Variants in TPRG1 observed in about 807,000 individuals in gnomAD.
TPRG1 encodes the protein tumor protein p63-regulated gene 1 protein.
TPRG1 carries 29 observed loss-of-function variants against 29.3 expected under a neutral mutation model. That is an observed-to-expected ratio of 0.99 (90% CI 0.74 to 1.35). The LOEUF is 1.35. TPRG1 is among the 40% of genes most tolerant of loss of function. TPRG1 has a pLI of 0.00. For missense variants in TPRG1, 327 were observed against 335.0 expected, an observed-to-expected ratio of 0.98 and a Z score of 0.19; for synonymous variants, 130 against 116.8, an observed-to-expected ratio of 1.11 and a Z score of -0.73.
intron 4 of TPRG1, among the ~76,000 whole-genome samples, chr3:189,054,559 G>T (rs1423997321): frequency 6.6e-6 from 1 of 151,880 alleles, no homozygotes; most frequent in Admixed American, 6.6e-5. Context: ...TCAGGGCTAG[G>T]AGTTTGAGAC....
chr3:189,122,100 A>G (rs1456718567), intron 1 of TPRG1, among the ~76,000 whole-genome samples: 11 of 152,284 alleles, frequency 7.2e-5, no homozygotes, highest in African/African-American at 1.7e-4. Flanking sequence ...ATACATTCAC[A>G]TGAAGTACTA....
At chr3:189,015,458 T>C (rs749107036) in intron 3 of TPRG1, among the ~76,000 whole-genome samples, 1 of 152,078 alleles carries the variant, frequency 6.6e-6, no homozygotes, top group Non-Finnish European at 1.5e-5. Context: ...CTGGAAGAAA[T>C]TAAAGCTGCT....
chr3:189,183,618 CTT>C (rs1466534695), intron 1 of TPRG1, among the ~76,000 whole-genome samples: 3 of 152,092 alleles, frequency 2.0e-5, no homozygotes, highest in Non-Finnish European at 4.4e-5. Context: ...CACATATTCT[CTT>C]TCCCAGGGAT....
intron 3 of TPRG1, among the ~76,000 whole-genome samples, chr3:189,228,929 A>G (rs938603631): frequency 6.6e-6 from 1 of 152,226 alleles, no homozygotes; most frequent in Non-Finnish European, 1.5e-5. Flanking sequence ...AATTTTCAGA[A>G]TACAAGATCA....
chr3:189,209,337 C>T (rs1449176637), intron 2 of TPRG1, among the ~76,000 whole-genome samples: 1 of 152,180 alleles, frequency 6.6e-6, no homozygotes, highest in Non-Finnish European at 1.5e-5. Context: ...TTCAATTCTA[C>T]CTTTTGAATA....
At chr3:188,999,491 C>T (rs1711933266) in intron 1 of TPRG1, among the ~76,000 whole-genome samples, 1 of 152,168 alleles carries the variant, frequency 6.6e-6, no homozygotes, top group Admixed American at 6.6e-5. Context: ...GGAGCAGTGG[C>T]TCTGGAGCCA....
At chr3:189,198,230 C>T (rs1732870769) in intron 1 of TPRG1, among the ~76,000 whole-genome samples, 1 of 152,174 alleles carries the variant, frequency 6.6e-6, no homozygotes, top group African/African-American at 2.4e-5. Flanking sequence ...CCTCCACCTA[C>T]CCTCTAGTGT....
At chr3:189,092,529 T>G (rs1168259403) in intron 4 of TPRG1, among the ~76,000 whole-genome samples, 1 of 151,956 alleles carries the variant, frequency 6.6e-6, no homozygotes, top group African/African-American at 2.4e-5. Flanking sequence ...GCTTCTCGCT[T>G]CCGGTATTGA....
chr3:189,226,972 A>G (rs971825790), intron 3 of TPRG1, among the ~76,000 whole-genome samples: 1 of 151,996 alleles, frequency 6.6e-6, no homozygotes, highest in Non-Finnish European at 1.5e-5. Flanking sequence ...GAAACAAACC[A>G]ATTTCGCAAA....
intron 3 of TPRG1, among the ~76,000 whole-genome samples, chr3:189,013,260 C>T (rs1478376578): frequency 2.0e-5 from 3 of 152,044 alleles, no homozygotes; most frequent in Non-Finnish European, 4.4e-5. Context: ...TGATTTCTAC[C>T]TTAATTTCAT....
At chr3:189,092,872 T>G (rs1718429946) in intron 4 of TPRG1, among the ~76,000 whole-genome samples, 2 of 152,196 alleles carry the variant, frequency 1.3e-5, no homozygotes. Context: ...ATTAACTTGT[T>G]TAACAAATGC....
intron 4 of TPRG1, among the ~76,000 whole-genome samples, chr3:189,042,662 C>T (rs1714706272): frequency 6.6e-6 from 1 of 151,868 alleles, no homozygotes; most frequent in Admixed American, 6.6e-5. Flanking sequence ...ATCTCAGCTG[C>T]TTGAGGCATA....
intron 3 of TPRG1, chr3:189,219,503 C>G: frequency 1.1e-6 from 1 of 946,172 alleles, no homozygotes; most frequent in Non-Finnish European, 1.4e-6. Context: ...TATTACCTTT[C>G]TTATTGGCCC....
chr3:189,292,387 A>G (rs980135648), intron 4 of TPRG1, among the ~76,000 whole-genome samples: 5 of 151,668 alleles, frequency 3.3e-5, no homozygotes, highest in African/African-American at 1.2e-4. Flanking sequence ...TAGGTTATCA[A>G]CAGTACCACC....
rs1482989323 is a variant in TPRG1 at position 189,325,103 on chromosome 3, A to G, written c.*4283A>G. ...GAGGCCTTGGAGTTACTGAGAGTGG[A>G]CCAATACTTGTCTTATTCTACCTGA... On this transcript the variant is annotated 3_prime_UTR_variant, in exon 6 of 6. Coordinates refer to ENST00000345063, the MANE Select transcript of TPRG1 (RefSeq NM_198485.4). 6.6e-6 allele frequency: 1 copy of G among 152,014 alleles called. No individual in the cohort carries two copies. 9.4% of individuals were successfully genotyped at this position (152,014 alleles called of 1,614,324 possible). A position where few individuals can be genotyped will look rare whatever the true frequency, so the allele number is the denominator to read the frequency against.
At chr3:189,243,863 C>T (rs1221350956) in intron 4 of TPRG1, among the ~76,000 whole-genome samples, 2 of 152,186 alleles carry the variant, frequency 1.3e-5, no homozygotes, top group African/African-American at 2.4e-5. Flanking sequence ...ACATTTGAGA[C>T]TTAATTAGCC....
At chr3:189,120,530 A>G (rs1037940416) in intron 1 of TPRG1, 1 of 152,240 alleles carries the variant, frequency 6.6e-6, no homozygotes, top group Admixed American at 6.5e-5. Context: ...ATTGAAGAAT[A>G]CTGACATTTA....
At chr3:189,229,951 C>T (rs1423289466) in intron 3 of TPRG1, among the ~76,000 whole-genome samples, 1 of 152,202 alleles carries the variant, frequency 6.6e-6, no homozygotes, top group Non-Finnish European at 1.5e-5. Flanking sequence ...TACATTTGTG[C>T]TATCTTGTCC....
intron 3 of TPRG1, among the ~76,000 whole-genome samples, chr3:189,141,794 A>G (rs1181880091): frequency 6.6e-6 from 1 of 152,172 alleles, no homozygotes; most frequent in Non-Finnish European, 1.5e-5. Flanking sequence ...CATACACTAT[A>G]TTTTTTATTG....
Sources: gnomAD v4.1 joint callset for allele counts (sites outside exome capture counted in the v4.1 genomes callset) on GRCh38, gnomAD v4.1.1 for gene constraint, MANE v1.5 for transcripts, NCBI Gene and HGNC (gene_info 2026-07-23, HGNC 2026-07-21) for gene names.